Variants in CBLB observed in about 807,000 individuals in gnomAD.
CBLB encodes the protein E3 ubiquitin-protein ligase CBL-B.
CBLB carries 31 observed loss-of-function variants against 104.9 expected under a neutral mutation model. The ratio of observed to expected loss-of-function variants is 0.30; its 90% CI spans 0.22 to 0.40. CBLB has a LOEUF of 0.40. Among genes scored for constraint, CBLB ranks in the 10% least tolerant of loss-of-function variants. The probability of loss-of-function intolerance (pLI) is 1.00; values close to 1 mark genes in which losing one functional copy is unlikely to be tolerated. For missense variants in CBLB, 1,062 were observed against 1,214.6 expected, an observed-to-expected ratio of 0.87 and a Z score of 1.87; for synonymous variants, 440 against 422.6, an observed-to-expected ratio of 1.04 and a Z score of -0.51.
At chr3:105,862,343 T>C (rs1226750514) in intron 2 of CBLB, among the ~76,000 whole-genome samples, 3 of 152,204 alleles carry the variant, frequency 2.0e-5, no homozygotes, top group African/African-American at 4.8e-5. Flanking sequence ...TTTTCCTTCT[T>C]ACGTTCCTTA....
intron 3 of CBLB, among the ~76,000 whole-genome samples, chr3:105,807,184 A>G (rs2083616073): frequency 6.6e-6 from 1 of 152,212 alleles, no homozygotes; most frequent in African/African-American, 2.4e-5. Context: ...TTCAAATGTC[A>G]CCTAAATAAA....
intron 4 of CBLB, among the ~76,000 whole-genome samples, chr3:105,758,132 G>T (rs1182779864): frequency 1.3e-5 from 2 of 152,110 alleles, no homozygotes; most frequent in African/African-American, 4.8e-5. Flanking sequence ...AGAATATGAA[G>T]ATAGATTCTT....
intron 3 of CBLB, among the ~76,000 whole-genome samples, chr3:105,840,283 T>C (rs2089346099): frequency 1.3e-5 from 2 of 151,766 alleles, no homozygotes; most frequent in African/African-American, 4.8e-5. Flanking sequence ...TGTATATACA[T>C]AAACAGAGTG....
chr3:105,682,706 T>C (rs2066467928), intron 14 of CBLB, among the ~76,000 whole-genome samples: 1 of 152,144 alleles, frequency 6.6e-6, no homozygotes, highest in Non-Finnish European at 1.5e-5. Context: ...TTTTGCCATG[T>C]TGCCCAGGCT....
chr3:105,765,000 A>T (rs1428579517), intron 4 of CBLB, among the ~76,000 whole-genome samples: 1 of 152,234 alleles, frequency 6.6e-6, no homozygotes, highest in Non-Finnish European at 1.5e-5. Flanking sequence ...GTTTGAAACT[A>T]GCAGAAATTT....
chr3:105,712,580 G>A (rs1288279751), intron 10 of CBLB, among the ~76,000 whole-genome samples: 1 of 152,158 alleles, frequency 6.6e-6, no homozygotes, highest in Non-Finnish European at 1.5e-5. Flanking sequence ...TTTGGTTACT[G>A]TAGTTCTTCA....
chr3:105,848,139 T>C (rs1233389921), intron 3 of CBLB, among the ~76,000 whole-genome samples: 3 of 151,914 alleles, frequency 2.0e-5, no homozygotes, highest in Admixed American at 6.6e-5. Context: ...CAGTGTGACA[T>C]TGAACTGTTT....
chr3:105,850,385 T>G (rs2090792361), intron 3 of CBLB, among the ~76,000 whole-genome samples: 1 of 152,074 alleles, frequency 6.6e-6, no homozygotes, highest in Non-Finnish European at 1.5e-5. Context: ...TTTTCTGACC[T>G]GAAAGAAATA....
chr3:105,844,319 G>A (rs1367598263), intron 3 of CBLB, among the ~76,000 whole-genome samples: 2 of 152,294 alleles, frequency 1.3e-5, no homozygotes, highest in Non-Finnish European at 2.9e-5. Flanking sequence ...GTGGTACTTC[G>A]TTACCGCAGC....
intron 17 of CBLB, chr3:105,672,150 T>A (rs2065133506): frequency 5.2e-6 from 1 of 192,230 alleles, no homozygotes; most frequent in Admixed American, 6.1e-5. Flanking sequence ...AATTTATAGG[T>A]TTGTCAAATA....
chr3:105,671,338 A>G (rs2065039909), intron 17 of CBLB: 1 of 214,114 alleles, frequency 4.7e-6, no homozygotes, highest in East Asian at 6.9e-5. Context: ...AGTACCGTCA[A>G]TTCTTCTGAG....
Position 105,657,715 on chromosome 3 carries a change from A to G in CBLB, c.*1255T>C. 1 of 204,070 alleles carries G rather than the reference A, an allele frequency of 4.9e-6. No homozygotes were observed. Among genetic ancestry groups the G allele is most frequent in the Non-Finnish European group, 1.0e-5 (1 of 99,564 alleles). 12.6% of individuals were successfully genotyped at this position (204,070 alleles called of 1,614,324 possible). A position where few individuals can be genotyped will look rare whatever the true frequency, so the allele number is the denominator to read the frequency against. ...CAACCACCATTTTGTAAAATAGGCA[A>G]AACTACATTAATTTCTTTCACCTGA... On this transcript the variant is annotated 3_prime_UTR_variant, in exon 19 of 19. Transcript: ENST00000394030.
In CBLB at chr3:105,868,962, C is replaced by T. The variant is rs1706676735; in HGVS notation, c.-241G>A. The T allele has an allele frequency of 7.8e-6, 8 of 1,021,056 alleles. No homozygotes were observed. Among genetic ancestry groups the T allele is most frequent in the Non-Finnish European group, 9.4e-6 (8 of 853,148 alleles). The allele number at this position is 1,021,056 out of a possible 1,614,324, so 63.2% of individuals were successfully genotyped here. A position where few individuals can be genotyped will look rare whatever the true frequency, so the allele number is the denominator to read the frequency against. Reference sequence around the variant, plus strand: ...TCCCCTCCCGCCCGACTCGGGGAGGCCGCGGGACGCCGCAGCAGCACTAGC... The same window carrying T: ...TCCCCTCCCGCCCGACTCGGGGAGGTCGCGGGACGCCGCAGCAGCACTAGC... On this transcript the variant is annotated 5_prime_UTR_variant, in exon 1 of 19. Transcript: ENST00000394030.
chr3:105,734,902 T>C (rs2074735982), intron 8 of CBLB, among the ~76,000 whole-genome samples: 2 of 152,160 alleles, frequency 1.3e-5, no homozygotes, highest in South Asian at 4.1e-4. Context: ...TTTGACACAG[T>C]AAAATTTTCA....
chr3:105,692,909 T>C (rs1350653162), intron 13 of CBLB, among the ~76,000 whole-genome samples: 1 of 149,896 alleles, frequency 6.7e-6, no homozygotes, highest in South Asian at 2.2e-4. Context: ...ATTTTTCAAA[T>C]GAGATACCCA....
At chr3:105,783,271 T>C (rs1275432185) in intron 3 of CBLB, among the ~76,000 whole-genome samples, 1 of 130,754 alleles carries the variant, frequency 7.6e-6, no homozygotes, top group Non-Finnish European at 1.7e-5. Flanking sequence ...AAGACCCTGA[T>C]GCATCTAATT....
At chr3:105,818,004 T>G (rs1486416499) in intron 3 of CBLB, among the ~76,000 whole-genome samples, 2 of 152,182 alleles carry the variant, frequency 1.3e-5, no homozygotes, top group Admixed American at 1.3e-4. Context: ...TCCCAAAAGA[T>G]GTAATTATAT....
chr3:105,707,384 T>A (rs994883997), intron 10 of CBLB, among the ~76,000 whole-genome samples: 1 of 152,160 alleles, frequency 6.6e-6, no homozygotes, highest in Non-Finnish European at 1.5e-5. Context: ...AAAAAAAATA[T>A]CTTTCATCTT....
At chr3:105,806,520 T>G (rs1208615590) in intron 3 of CBLB, among the ~76,000 whole-genome samples, 1 of 148,772 alleles carries the variant, frequency 6.7e-6, no homozygotes, top group African/African-American at 2.5e-5. Flanking sequence ...GATCCCTATC[T>G]GTTACAGCAA....
Sources: allele counts gnomAD v4.1 joint callset (sites outside exome capture counted in the v4.1 genomes callset), GRCh38; gene constraint gnomAD v4.1.1; transcripts MANE v1.5; gene names NCBI Gene and HGNC (gene_info 2026-07-23, HGNC 2026-07-21).